PAN3: variants seen among roughly 807,000 people sequenced by gnomAD.
PAN3 encodes the protein PAN2-PAN3 deadenylation complex subunit PAN3.
Under a neutral mutation model 96.2 loss-of-function variants are expected in PAN3, and 19 were observed. The observed-to-expected ratio is 0.20, with a 90% CI of 0.14 to 0.29. PAN3 has a LOEUF of 0.29. Among genes scored for constraint, PAN3 ranks in the 10% least tolerant of loss-of-function variants. The pLI is 1.00. For missense variants in PAN3, 882 were observed against 1,108.1 expected, an observed-to-expected ratio of 0.80 and a Z score of 2.90; for synonymous variants, 433 against 406.6, an observed-to-expected ratio of 1.06 and a Z score of -0.78.
At chr13:28,149,126 A>G (rs1349638076) in intron 1 of PAN3, among the ~76,000 whole-genome samples, 1 of 152,132 alleles carries the variant, frequency 6.6e-6, no homozygotes, top group Non-Finnish European at 1.5e-5. Context: ...AGGCCGAGAC[A>G]GGAAGATTAC....
chr13:28,174,367 G>A lies in PAN3; in HGVS notation c.526G>A (p.Val176Ile). The change falls in exon 2 of 19, where the codon GTA becomes ATA. Residue 176 changes from valine to isoleucine, a missense_variant. Coordinates refer to ENST00000380958, the MANE Select transcript of PAN3 (RefSeq NM_175854.8). Reference sequence around the variant, plus strand: ...TGGAGTCAATGGATTTGGAAGCCCTGTAGAAACAAAATATCCCCTGATGCA... The same window carrying A: ...TGGAGTCAATGGATTTGGAAGCCCTATAGAAACAAAATATCCCCTGATGCA... ...FIGVNGFGSPVETKYPLMQRM... is the reference protein window; with the variant it reads ...FIGVNGFGSPIETKYPLMQRM... 1 of 1,613,324 alleles carries A rather than the reference G, an allele frequency of 6.2e-7. No individual in the cohort carries two copies. Among genetic ancestry groups the A allele is most frequent in the Non-Finnish European group, 8.5e-7 (1 of 1,179,446 alleles).
intron 6 of PAN3, among the ~76,000 whole-genome samples, chr13:28,240,706 CT>C (rs1271640088): frequency 6.6e-6 from 1 of 152,112 alleles, no homozygotes; most frequent in Non-Finnish European, 1.5e-5. Flanking sequence ...AAGCTTGATA[CT>C]TTTGATTAAG....
intron 15 of PAN3, among the ~76,000 whole-genome samples, chr13:28,279,284 T>C (rs1887279025): frequency 6.6e-6 from 1 of 152,186 alleles, no homozygotes; most frequent in African/African-American, 2.4e-5. Context: ...GAAATGAATA[T>C]GTCATGATAC....
chr13:28,194,379 T>C (rs1877709864), intron 4 of PAN3, among the ~76,000 whole-genome samples: 1 of 150,376 alleles, frequency 6.6e-6, no homozygotes, highest in African/African-American at 2.4e-5. Flanking sequence ...AGCTCAGAAA[T>C]TTTCTTAAAT....
chr13:28,281,502 A>G, intron 17 of PAN3, 123 bp downstream of exon 17: 1 of 895,240 alleles, frequency 1.1e-6, no homozygotes, highest in South Asian at 1.6e-5. Flanking sequence ...TGACCTTAAG[A>G]TTGTGTTAGC....
chr13:28,262,075 A>G (rs936808999), intron 9 of PAN3, among the ~76,000 whole-genome samples: 2 of 152,186 alleles, frequency 1.3e-5, no homozygotes, highest in African/African-American at 4.8e-5. Context: ...TGTGCCAGAC[A>G]GTATACTAAT....
intron 1 of PAN3, among the ~76,000 whole-genome samples, chr13:28,145,290 C>A (rs918431448): frequency 2.0e-5 from 3 of 151,914 alleles, no homozygotes; most frequent in African/African-American, 7.3e-5. Context: ...ACAGATCGTG[C>A]CTAACTTAAT....
Position 28,272,064 on chromosome 13 carries a change from A to G in PAN3, c.2042A>G (p.Gln681Arg), listed in dbSNP as rs778659887. The G allele has an allele frequency of 1.9e-6, 3 of 1,555,630 alleles. No individual in the cohort carries two copies. The highest frequency in any genetic ancestry group is 2.6e-6 in the Non-Finnish European group (3 of 1,136,042). Residue 681 changes from glutamine to arginine, a missense_variant, in exon 14 of 19, where the codon CAG becomes CGG. Around this residue, in one of 3 missense-constraint regions of PAN3, gnomAD observed 364 missense variants for 513.6 expected, o/e 0.71. Transcript: ENST00000380958. ...AATAATCCATTGGCATTAATGGCCCAGTACCAGGTGAGTAAGAATTAACAT... is the reference window on the plus strand; with the variant it reads ...AATAATCCATTGGCATTAATGGCCCGGTACCAGGTGAGTAAGAATTAACAT... ...QNNNPLALMAQYQQADLISLG... is the reference protein window; with the variant it reads ...QNNNPLALMARYQQADLISLG...
At chr13:28,285,442 G>C (rs1868859714) in intron 17 of PAN3, among the ~76,000 whole-genome samples, 1 of 152,020 alleles carries the variant, frequency 6.6e-6, no homozygotes, top group African/African-American at 2.4e-5. Context: ...GGTTTTGTTT[G>C]TTTGTTTGTT....
chr13:28,227,428 A>G (rs1042597339), intron 6 of PAN3, among the ~76,000 whole-genome samples: 1 of 152,036 alleles, frequency 6.6e-6, no homozygotes, highest in African/African-American at 2.4e-5. Context: ...ATTTCCTTTA[A>G]CTACGAGTTA....
At chr13:28,176,161 G>T (rs1046623230) in intron 2 of PAN3, among the ~76,000 whole-genome samples, 2 of 152,138 alleles carry the variant, frequency 1.3e-5, no homozygotes, top group Non-Finnish European at 2.9e-5. Context: ...TAGTCAACGG[G>T]TACCCTCTTC....
chr13:28,155,447 A>G (rs1872010941), intron 1 of PAN3, among the ~76,000 whole-genome samples: 1 of 151,904 alleles, frequency 6.6e-6, no homozygotes, highest in Admixed American at 6.6e-5. Context: ...AAATTTAGCC[A>G]GGTGTGGTTG....
chr13:28,288,965 T>A (rs1566264512), intron 18 of PAN3, among the ~76,000 whole-genome samples: 1 of 151,642 alleles, frequency 6.6e-6, no homozygotes, highest in Non-Finnish European at 1.5e-5. Flanking sequence ...TAGCTGGGAC[T>A]ACAGGCACCC....
chr13:28,140,760 T>A (rs979602556), intron 1 of PAN3, among the ~76,000 whole-genome samples: 5 of 152,208 alleles, frequency 3.3e-5, no homozygotes, highest in Admixed American at 2.0e-4. Flanking sequence ...TTTGTTGTGA[T>A]GGGCTTGACT....
chr13:28,251,816 A>G (rs1349522656), intron 6 of PAN3, among the ~76,000 whole-genome samples: 1 of 151,890 alleles, frequency 6.6e-6, no homozygotes, highest in African/African-American at 2.4e-5. Flanking sequence ...TAATTCCCCA[A>G]ACTCCACGAC....
chr13:28,217,419 C>G (rs945438126), intron 5 of PAN3, among the ~76,000 whole-genome samples: 1 of 151,696 alleles, frequency 6.6e-6, no homozygotes, highest in African/African-American at 2.4e-5. Context: ...TTGCCTCTAC[C>G]AAAAATATAA....
chr13:28,187,791 C>T (rs1260808537), intron 4 of PAN3, among the ~76,000 whole-genome samples: 1 of 152,162 alleles, frequency 6.6e-6, no homozygotes, highest in African/African-American at 2.4e-5. Flanking sequence ...ACTCCGACTT[C>T]AAGTGATCCT....
At chr13:28,157,183 A>C (rs1392049683) in intron 1 of PAN3, among the ~76,000 whole-genome samples, 1 of 152,064 alleles carries the variant, frequency 6.6e-6, no homozygotes, top group Non-Finnish European at 1.5e-5. Context: ...ACATCCCTTC[A>C]TGTTAAAAAC....
chr13:28,251,968 AC>A (rs1566229428), intron 6 of PAN3, among the ~76,000 whole-genome samples: 1 of 148,100 alleles, frequency 6.8e-6, no homozygotes, highest in East Asian at 2.0e-4. Flanking sequence ...GCTCACGGCA[AC>A]CTCCACCTCC....
Sources: allele counts gnomAD v4.1 joint callset (sites outside exome capture counted in the v4.1 genomes callset), GRCh38; gene constraint gnomAD v4.1.1; regional missense constraint gnomAD v4.1.1; transcripts MANE v1.5; gene names NCBI Gene and HGNC (gene_info 2026-07-23, HGNC 2026-07-21).